LRRCC1: variants seen among roughly 807,000 people sequenced by gnomAD.
LRRCC1 encodes the protein leucine-rich repeat and coiled-coil domain-containing protein 1.
Under a neutral mutation model 126.0 loss-of-function variants are expected in LRRCC1, and 115 were observed. The observed-to-expected ratio is 0.91, with a 90% confidence interval of 0.78 to 1.07. LRRCC1 has a LOEUF of 1.07. Ranked by LOEUF, LRRCC1 falls within the 50% of genes least tolerant of loss-of-function variation. The pLI, the probability that LRRCC1 is intolerant of heterozygous loss-of-function variation, is 0.00. For missense variants in LRRCC1, 1,172 were observed against 1,175.7 expected (o/e 1.00, Z 0.05); for synonymous variants, 400 against 393.4 (o/e 1.02, Z -0.20).
intron 18 of LRRCC1, among the ~76,000 whole-genome samples, chr8:85,144,467 TA>T (rs1563963548): frequency 9.1e-4 from 17 of 18,588 alleles, no homozygotes; most frequent in African/African-American, 2.0e-3. Flanking sequence ...TATATATATA[TA>T]TATATATTTT....
chr8:85,116,991 G>T (rs1809174962), intron 6 of LRRCC1, among the ~76,000 whole-genome samples: 1 of 152,016 alleles, frequency 6.6e-6, no homozygotes, highest in South Asian at 2.1e-4. Flanking sequence ...CTGGACTTTT[G>T]GACTCCTCCA....
Position 85,138,020 on chromosome 8 carries a change from A to G in LRRCC1, c.2494-15A>G. On this transcript the variant is annotated splice_polypyrimidine_tract_variant and intron_variant, in intron 15 of 18. Transcript: ENST00000360375. ...TAAAGTTAATAAAAACAAAGTGCCA[A>G]TTTTTTTCTTAAAGTGTTTACAAGA... 5.6e-6 allele frequency: 8 copies of G among 1,435,592 alleles called. No homozygotes were observed. Among genetic ancestry groups the G allele is most frequent in the Non-Finnish European group, 7.5e-6 (8 of 1,061,428 alleles). 88.9% of individuals were successfully genotyped at this position (1,435,592 alleles called of 1,614,324 possible). A position where few individuals can be genotyped will look rare whatever the true frequency, so the allele number is the denominator to read the frequency against.
chr8:85,109,497 T>C, intron 1 of LRRCC1, 98 bp from the exon 2 acceptor site: 3 of 659,770 alleles, frequency 4.5e-6, no homozygotes, highest in Admixed American at 6.1e-5. Flanking sequence ...CTAGAATGAA[T>C]AGAGCACATA....
intron 1 of LRRCC1, chr8:85,108,764 T>C (rs1193879606): frequency 6.6e-6 from 1 of 152,234 alleles, no homozygotes; most frequent in African/African-American, 2.4e-5. Flanking sequence ...CTACTCAACC[T>C]ACAGCAGATG....
chr8:85,131,815 G>C lies in LRRCC1; in HGVS notation c.1822G>C (p.Ala608Pro). Reference protein sequence around the residue: ...FTDADFQDALAKEIAKEEKKH... With the variant: ...FTDADFQDALPKEIAKEEKKH... ...TGATGCTGACTTCCAGGATGCCTTA[G>C]CTAAAGAAATAGCCAAAGAAGAGAA... The change falls in exon 12 of 19, where the codon GCT (alanine) becomes CCT (proline). Residue 608 changes from alanine to proline, a missense_variant. Physicochemically the swap from Ala to Pro is conservative, Grantham distance 27 (BLOSUM62 -1). Transcript: ENST00000360375. 9 of 1,613,774 alleles carry C rather than the reference G, an allele frequency of 5.6e-6. No individual in the cohort carries two copies. Among genetic ancestry groups the C allele is most frequent in the Non-Finnish European group, 7.6e-6 (9 of 1,179,860 alleles).
rs369308071 is a variant in LRRCC1, at chr8:85,113,074, C to T, written c.519C>T (p.Asp173=). 11 of 1,610,128 alleles carry T rather than the reference C, an allele frequency of 6.8e-6. No individual in the cohort carries two copies. Among genetic ancestry groups the T allele is most frequent in the African/African-American group, 2.7e-5 (2 of 74,690 alleles). ...ATCTTATTTTGGAGAAAGATGGAGACGATAATCCTGTCTGTCGACTGCCAG... is the reference window on the plus strand; with the variant it reads ...ATCTTATTTTGGAGAAAGATGGAGATGATAATCCTGTCTGTCGACTGCCAG... ...LTNLILEKDG[D]DNPVCRLPGY... The change falls in exon 4 of 19, where the codon GAC becomes GAT. Residue 173 remains aspartate (D), a synonymous_variant. Transcript: ENST00000360375.
intron 8 of LRRCC1, among the ~76,000 whole-genome samples, 180 bp from the exon 9 acceptor site, chr8:85,126,509 G>A (rs1382630627): frequency 1.3e-5 from 2 of 152,186 alleles, no homozygotes; most frequent in Non-Finnish European, 2.9e-5. Context: ...AGTGAGCTGA[G>A]ATCATGCCAC....
In LRRCC1 at chr8:85,138,090, T is replaced by C; in HGVS notation, c.2549T>C (p.Ile850Thr). The C allele has an allele frequency of 6.3e-7, 1 of 1,599,520 alleles. No homozygotes were observed. Among genetic ancestry groups the C allele is most frequent in the African/African-American group, 1.3e-5 (1 of 74,364 alleles). ...IKRLQEKITEIEKCTQEQLDE... is the reference protein window; with the variant it reads ...IKRLQEKITETEKCTQEQLDE... ...AGATTACAAGAAAAGATCACAGAAA[T>C]AGAAAAATGCACTCAAGAACAACTT... is the stretch of plus-strand genomic sequence containing the variant. The change falls in exon 16 of 19, where the codon ATA (isoleucine) becomes ACA (threonine). Residue 850 changes from isoleucine (I) to threonine (T), a missense_variant. By Grantham distance (89) the Ile-to-Thr change is moderately conservative (BLOSUM62 -1). Transcript: ENST00000360375.
intron 7 of LRRCC1, 58 bp from the exon 8 acceptor site, chr8:85,124,734 A>C: frequency 8.9e-7 from 1 of 1,123,698 alleles, no homozygotes; most frequent in Non-Finnish European, 1.2e-6. Context: ...GTTAATTTAG[A>C]GAAAAGTAAT....
intron 2 of LRRCC1, 123 bp downstream of exon 2, chr8:85,109,923 A>T (rs1392135397): frequency 1.6e-6 from 1 of 634,726 alleles, no homozygotes; most frequent in East Asian, 2.9e-5. Context: ...CTCATTATAC[A>T]AAATATTTTC....
At chr8:85,129,060 A>G (rs1021700432) in intron 9 of LRRCC1, 115 bp from the exon 10 acceptor site, 2 of 756,780 alleles carry the variant, frequency 2.6e-6, no homozygotes, top group Admixed American at 4.7e-5. Flanking sequence ...ATCAAACAGG[A>G]GTTGAGAGCA....
chr8:85,122,379 T>C (rs1327109693), intron 6 of LRRCC1, among the ~76,000 whole-genome samples: 2 of 152,182 alleles, frequency 1.3e-5, no homozygotes, highest in Admixed American at 6.5e-5. Flanking sequence ...TGTAGACTTT[T>C]TGATATTGTC....
chr8:85,124,925 GACA>G lies in LRRCC1; in HGVS notation c.1262_1264del (p.Asn421del). On this transcript the variant is annotated inframe_deletion, in exon 8 of 19. Coordinates refer to ENST00000360375, the MANE Select transcript of LRRCC1 (RefSeq NM_033402.5). ...TAAAGTAGACCAAAGTCACTCAGAA[GACA>G]ACACTTACCAGGTATGATTTAAGAG... 1 of 1,599,196 alleles carries G rather than the reference GACA, an allele frequency of 6.3e-7. No individual in the cohort carries two copies.
At chr8:85,127,098 G>A (rs1023339841) in intron 9 of LRRCC1, among the ~76,000 whole-genome samples, 4 of 152,208 alleles carry the variant, frequency 2.6e-5, no homozygotes, top group African/African-American at 9.6e-5. Context: ...GACTAGAGCA[G>A]TGATTAACAA....
Position 85,141,245 on chromosome 8 carries a change from A to T in LRRCC1, c.2841-137A>T. On this transcript the variant is annotated intron_variant, in intron 17 of 18. Transcript: ENST00000360375. ...CTTATATCTTTAGTTACCCTATAAT[A>T]GCCTTTGATATTTTCATAATACTGA... is the stretch of plus-strand genomic sequence containing the variant. 8.4e-6 allele frequency: 5 copies of T among 597,620 alleles called. No individual in the cohort carries two copies. The East Asian group carries it at 1.4e-4, about 17-fold the overall frequency. The allele number at this position is 597,620 out of a possible 1,614,324, so 37.0% of individuals were successfully genotyped here. A position where few individuals can be genotyped will look rare whatever the true frequency, so the allele number is the denominator to read the frequency against.
chr8:85,129,146 C>T, intron 9 of LRRCC1, 29 bp from the exon 10 acceptor site: 1 of 1,474,012 alleles, frequency 6.8e-7, no homozygotes, highest in South Asian at 1.2e-5. Context: ...GTGTAATATA[C>T]TTAACACCAC....
rs763841425 is a variant in LRRCC1 at position 85,131,879 on chromosome 8, T to C, written c.1886T>C (p.Ile629Thr). ...ATGATAAAAGAATACCAAGAGAAAA[T>C]TGACGTGTTAAGCCAGCAGTATATG... is the stretch of plus-strand genomic sequence containing the variant. ...EQMIKEYQEK[I>T]DVLSQQYMDL... The change falls in exon 12 of 19, where the codon ATT (isoleucine) becomes ACT (threonine). Residue 629 changes from isoleucine (I) to threonine (T), a missense_variant. Coordinates refer to ENST00000360375, the MANE Select transcript of LRRCC1 (RefSeq NM_033402.5). 7 of 1,613,756 alleles carry C rather than the reference T, an allele frequency of 4.3e-6. No homozygotes were observed. In the African/African-American group the frequency reaches 6.7e-5, roughly 15 times the overall value.
intron 13 of LRRCC1, 45 bp from the exon 14 acceptor site, chr8:85,135,744 G>C (rs769329873): frequency 8.7e-7 from 1 of 1,156,040 alleles, no homozygotes; most frequent in South Asian, 3.0e-5. Flanking sequence ...AGAAAATAAA[G>C]CACTTAATAT....
At position 85,138,082 on chromosome 8, in the gene LRRCC1, C is replaced by G; in HGVS notation, c.2541C>G (p.Ile847Met). ...DEHIKRLQEK[I>M]TEIEKCTQEQ... ...ACATCAAAAGATTACAAGAAAAGAT[C>G]ACAGAAATAGAAAAATGCACTCAAG... The change falls in exon 16 of 19, where the codon ATC becomes ATG. Residue 847 changes from isoleucine (I) to methionine (M), a missense_variant. Transcript: ENST00000360375. 6.3e-7 allele frequency: 1 copy of G among 1,595,292 alleles called. No individual in the cohort carries two copies. Among genetic ancestry groups the G allele is most frequent in the South Asian group, 1.1e-5 (1 of 87,042 alleles).
Sources: gnomAD v4.1 joint callset for allele counts (sites outside exome capture counted in the v4.1 genomes callset) on GRCh38, gnomAD v4.1.1 for gene constraint, MANE v1.5 for transcripts, NCBI Gene and HGNC (gene_info 2026-07-23, HGNC 2026-07-21) for gene names.